Variants in ZNF280D observed in about 807,000 individuals in gnomAD.
ZNF280D encodes the protein suppressor of hairy wing homolog 4.
A neutral mutation model predicts 94.7 loss-of-function variants in ZNF280D; 39 were observed. The ratio of observed to expected loss-of-function variants is 0.41; its 90% CI spans 0.32 to 0.54. The LOEUF is 0.54. Ranked by LOEUF, ZNF280D falls within the 20% of genes least tolerant of loss-of-function variation. ZNF280D has a pLI of 0.22. For missense variants in ZNF280D, 1,090 were observed against 1,149.3 expected, an observed-to-expected ratio of 0.95 and a Z score of 0.75; for synonymous variants, 398 against 377.6, an observed-to-expected ratio of 1.05 and a Z score of -0.63.
intron 17 of ZNF280D, 170 bp from the exon 18 acceptor site, chr15:56,654,673 G>A: frequency 1.5e-6 from 1 of 658,810 alleles, no homozygotes; most frequent in Admixed American, 2.1e-5. Context: ...AAATGACATA[G>A]CCATGTCCAA....
chr15:56,674,031 G>A (rs543475951), intron 13 of ZNF280D, among the ~76,000 whole-genome samples: 3 of 152,076 alleles, frequency 2.0e-5, no homozygotes, highest in East Asian at 3.9e-4. Context: ...CTACTATAAT[G>A]TAAATTCCAG....
chr15:56,637,410 G>A (rs911273316), intron 20 of ZNF280D, among the ~76,000 whole-genome samples: 1 of 151,648 alleles, frequency 6.6e-6, no homozygotes, highest in Non-Finnish European at 1.5e-5. Context: ...CAAACTCCCA[G>A]CCTCAAGGGA....
At chr15:56,731,772 T>C (rs927661609) in intron 1 of ZNF280D, among the ~76,000 whole-genome samples, 5 of 152,034 alleles carry the variant, frequency 3.3e-5, no homozygotes, top group Admixed American at 2.0e-4. Context: ...AAAATGCAAA[T>C]ATGGCAAAAA....
rs1225077532 is a variant in ZNF280D, at chr15:56,689,431, G to A, written c.539C>T (p.Thr180Ile). The change falls in exon 8 of 22, where the codon ACT becomes ATT. Residue 180 changes from threonine (T) to isoleucine (I), a missense_variant. Transcript: ENST00000267807. Reference protein sequence around the residue: ...ESSFLSKRPSTSEVNNVNPKK... With the variant: ...ESSFLSKRPSISEVNNVNPKK... ...TGGATTAACATTATTTACTTCAGAAGTAGAAGGACGTTTTGATAAAAATGA... is the reference window on the plus strand; with the variant it reads ...TGGATTAACATTATTTACTTCAGAAATAGAAGGACGTTTTGATAAAAATGA... The A allele has an allele frequency of 6.4e-7, 1 of 1,573,018 alleles. No individual in the cohort carries two copies. Among genetic ancestry groups the A allele is most frequent in the Admixed American group, 1.8e-5 (1 of 54,716 alleles).
At chr15:56,670,196 T>G (rs1203333276) in intron 13 of ZNF280D, among the ~76,000 whole-genome samples, 1 of 146,752 alleles carries the variant, frequency 6.8e-6, no homozygotes, top group African/African-American at 2.5e-5. Context: ...ACTGTTTATT[T>G]ATTTATTTAT....
At chr15:56,679,163 TAA>T (rs2055450112) in intron 10 of ZNF280D, among the ~76,000 whole-genome samples, 1 of 152,122 alleles carries the variant, frequency 6.6e-6, no homozygotes, top group Non-Finnish European at 1.5e-5. Context: ...ATTTACATTT[TAA>T]AATTAAATAC....
chr15:56,645,836 C>T (rs1229917327), intron 19 of ZNF280D, among the ~76,000 whole-genome samples: 3 of 152,202 alleles, frequency 2.0e-5, no homozygotes, highest in Non-Finnish European at 2.9e-5. Context: ...TATGAGCCAC[C>T]GTGCCCAGCC....
At chr15:56,672,539 T>C (rs554878583) in intron 13 of ZNF280D, among the ~76,000 whole-genome samples, 82 of 152,212 alleles carry the variant, frequency 5.4e-4, no homozygotes, top group African/African-American at 2.0e-3. Flanking sequence ...TACTTGATCA[T>C]GGTGAATAAA....
chr15:56,717,013 A>T (rs1292840356), intron 1 of ZNF280D, among the ~76,000 whole-genome samples: 1 of 152,142 alleles, frequency 6.6e-6, no homozygotes, highest in Non-Finnish European at 1.5e-5. Flanking sequence ...TCAATATTGA[A>T]ACCCAGGACA....
At chr15:56,714,842 A>C (rs755438857) in intron 1 of ZNF280D, among the ~76,000 whole-genome samples, 51 of 152,200 alleles carry the variant, frequency 3.4e-4, no homozygotes, top group Admixed American at 9.8e-4. Context: ...TTAATGATTA[A>C]GAATTTGAAA....
intron 1 of ZNF280D, among the ~76,000 whole-genome samples, chr15:56,726,212 T>TAAAAA (rs34490275): frequency 6.8e-6 from 1 of 147,770 alleles, no homozygotes. Context: ...TACAACAGGC[T>TAAAAA]AAAAAAAAAA....
rs2140685180 is a variant in ZNF280D at position 56,654,383 on chromosome 15, A to T, written c.2176+2T>A. The stretch of plus-strand genomic sequence containing the variant: ...TAAAGTAGCACAGTTACATATACGT[A>T]CCTTTCTGCATTACAACTTGGCAAG... On this transcript the variant is annotated splice_donor_variant, in intron 18 of 21. Coordinates refer to ENST00000267807, the MANE Select transcript of ZNF280D (RefSeq NM_017661.4). LOFTEE classifies it high-confidence loss of function. The T allele has an allele frequency of 6.2e-7, 1 of 1,604,306 alleles. No homozygotes were observed. Among genetic ancestry groups the T allele is most frequent in the Non-Finnish European group, 8.5e-7 (1 of 1,177,504 alleles).
chr15:56,656,275 G>T lies in ZNF280D; in HGVS notation c.2058-1772C>A, dbSNP rs185408729. ...CGGAATGAATAGTCTATTTCAATAA[G>T]AATAATTACATTAATCATTGTCATA... On this transcript the variant is annotated intron_variant, in intron 17 of 21. Transcript: ENST00000267807. Among the ~76,000 whole-genome samples, 41 of 152,156 alleles carry T rather than the reference G, an allele frequency of 2.7e-4. No homozygotes were observed. The East Asian group carries it at 7.9e-3, about 29-fold the overall frequency.
intron 1 of ZNF280D, among the ~76,000 whole-genome samples, chr15:56,725,955 T>C (rs994465572): frequency 6.6e-6 from 1 of 152,154 alleles, no homozygotes; most frequent in Non-Finnish European, 1.5e-5. Flanking sequence ...AAAACAGGAA[T>C]GTTTGCAATG....
chr15:56,719,176 C>G (rs1172651863), intron 1 of ZNF280D, among the ~76,000 whole-genome samples: 3 of 152,212 alleles, frequency 2.0e-5, no homozygotes, highest in Non-Finnish European at 2.9e-5. Flanking sequence ...GTTTGTCTCT[C>G]AAACCTCAGG....
At chr15:56,716,971 G>A (rs549182916) in intron 1 of ZNF280D, among the ~76,000 whole-genome samples, 19 of 152,184 alleles carry the variant, frequency 1.2e-4, no homozygotes, top group Middle Eastern at 3.4e-3. Flanking sequence ...TCTCCATTGA[G>A]GATGACTATA....
At chr15:56,636,282 G>A (rs1345390666) in intron 20 of ZNF280D, among the ~76,000 whole-genome samples, 1 of 152,124 alleles carries the variant, frequency 6.6e-6, no homozygotes, top group African/African-American at 2.4e-5. Context: ...GTCTGCAGTG[G>A]AGGAGTGCAA....
rs1466903103 is a variant in ZNF280D at position 56,678,753 on chromosome 15, G to A, written c.1073C>T (p.Thr358Ile). 1 of 1,613,068 alleles carries A rather than the reference G, an allele frequency of 6.2e-7. No individual in the cohort carries two copies. ...CTGACGGTAGCAGTGCTGGCAGGTG[G>A]TATGGTTTTCCCAGCTCTCACTGCT... Reference protein sequence around the residue: ...KQSSESWENHTTCQHCYRQFP... With the variant: ...KQSSESWENHITCQHCYRQFP... The change falls in exon 11 of 22, where the codon ACC (threonine) becomes ATC (isoleucine). Residue 358 changes from threonine to isoleucine, a missense_variant. Physicochemically the swap from Thr to Ile is moderately conservative, Grantham distance 89. Coordinates refer to ENST00000267807, the MANE Select transcript of ZNF280D (RefSeq NM_017661.4).
Position 56,631,410 on chromosome 15 carries a change from G to T in ZNF280D, c.*88C>A. The T allele has an allele frequency of 7.1e-7, 1 of 1,405,314 alleles. No individual in the cohort carries two copies. The highest frequency in any genetic ancestry group is 9.7e-7 in the Non-Finnish European group (1 of 1,026,106). 87.1% of individuals were successfully genotyped at this position (1,405,314 alleles called of 1,614,324 possible). On this transcript the variant is annotated 3_prime_UTR_variant, in exon 22 of 22. Coordinates refer to ENST00000267807, the MANE Select transcript of ZNF280D (RefSeq NM_017661.4). ...ACCTCCCTTACATATTTCCATTTCTGAACCTACAACAGCACCACTGAGCTC... is the reference window on the plus strand; with the variant it reads ...ACCTCCCTTACATATTTCCATTTCTTAACCTACAACAGCACCACTGAGCTC...
Sources: gnomAD v4.1 joint callset for allele counts (sites outside exome capture counted in the v4.1 genomes callset) on GRCh38, gnomAD v4.1.1 for gene constraint, MANE v1.5 for transcripts, NCBI Gene and HGNC (gene_info 2026-07-23, HGNC 2026-07-21) for gene names.